The following MTURN variants were observed in gnomAD, a reference collection of about 807,000 sequenced individuals.
MTURN encodes maturin.
MTURN carries 7 observed loss-of-function variants against 14.9 expected under a neutral mutation model. The ratio of observed to expected loss-of-function variants is 0.47; its 90% CI spans 0.27 to 0.88. The LOEUF (loss-of-function observed/expected upper bound fraction) is 0.88. MTURN is among the 40% of genes least tolerant of loss of function. MTURN has a pLI of 0.14. For missense variants in MTURN, 151 were observed against 174.1 expected (o/e 0.87, Z 0.75); for synonymous variants, 69 against 72.5 (o/e 0.95, Z 0.25).
At chr7:30,136,514 C>T (rs1796964357) in intron 1 of MTURN, among the ~76,000 whole-genome samples, 1 of 152,132 alleles carries the variant, frequency 6.6e-6, no homozygotes, top group Non-Finnish European at 1.5e-5. Context: ...GGGCCGTGGT[C>T]CTGCCGCCGA....
chr7:30,145,166 G>A (rs1466632309), intron 1 of MTURN, among the ~76,000 whole-genome samples: 1 of 152,014 alleles, frequency 6.6e-6, no homozygotes, highest in Non-Finnish European at 1.5e-5. Context: ...TTAAAGATGT[G>A]CTAAAATGGA....
intron 1 of MTURN, among the ~76,000 whole-genome samples, chr7:30,140,005 A>C (rs1039482434): frequency 6.6e-6 from 1 of 152,166 alleles, no homozygotes; most frequent in Non-Finnish European, 1.5e-5. Context: ...CTTTCTGCCA[A>C]CTTGGAAGGT....
At chr7:30,153,091 C>G (rs1372102179) in intron 2 of MTURN, among the ~76,000 whole-genome samples, 1 of 152,168 alleles carries the variant, frequency 6.6e-6, no homozygotes, top group Non-Finnish European at 1.5e-5. Context: ...CAGTCACTTT[C>G]GTTTTTTGGC....
rs1163462279 is a variant in MTURN at position 30,159,447 on chromosome 7, A to C, written c.*1899A>C. ...GCTTGCTCCATTGGAAGGTAAACTG[A>C]AATTTTATACGTTGAAGCTTAAAAT... On this transcript the variant is annotated 3_prime_UTR_variant, in exon 3 of 3. Coordinates refer to ENST00000324453, the MANE Select transcript of MTURN (RefSeq NM_152793.3). 6.6e-6 allele frequency: 1 copy of C among 152,430 alleles called. No individual in the cohort carries two copies. The highest frequency in any genetic ancestry group is 1.5e-5 in the Non-Finnish European group (1 of 68,034). The allele number at this position is 152,430 out of a possible 1,614,324, so 9.4% of individuals were successfully genotyped here. A position where few individuals can be genotyped will look rare whatever the true frequency, so the allele number is the denominator to read the frequency against.
chr7:30,139,312 C>T (rs1797012987), intron 1 of MTURN, among the ~76,000 whole-genome samples: 1 of 152,230 alleles, frequency 6.6e-6, no homozygotes, highest in African/African-American at 2.4e-5. Context: ...AACTTTAGTA[C>T]TCTCACATAA....
intron 2 of MTURN, among the ~76,000 whole-genome samples, chr7:30,155,065 CT>C (rs922718030): frequency 1.3e-5 from 2 of 152,186 alleles, no homozygotes; most frequent in Non-Finnish European, 2.9e-5. Flanking sequence ...TGGTACATCT[CT>C]TTTGGATAAA....
intron 1 of MTURN, among the ~76,000 whole-genome samples, chr7:30,136,314 A>G (rs1796960101): frequency 6.6e-6 from 1 of 150,536 alleles, no homozygotes; most frequent in Non-Finnish European, 1.5e-5. Context: ...TCGGGGTGGG[A>G]GGGGTGGAGT....
Position 30,140,415 on chromosome 7 carries a change from G to GTGTGTATATATATATATATATATATA in MTURN, c.162+5118_162+5119insGTGTATATATATATATATATATATAT, listed in dbSNP as rs33952294. ...GAGGGGTGTGTGTGTGTGTGTGTGTGTATCCCCATTTGTGGTCTGAACACA... is the reference window on the plus strand; with the variant it reads ...GAGGGGTGTGTGTGTGTGTGTGTGTGTGTGTATATATATATATATATATATATATCCCCATTTGTGGTCTGAACACA... On this transcript the variant is annotated intron_variant, in intron 1 of 2. Coordinates refer to ENST00000324453, the MANE Select transcript of MTURN (RefSeq NM_152793.3). Among the ~76,000 whole-genome samples, 12 of 143,812 alleles carry GTGTGTATATATATATATATATATATA rather than the reference G, an allele frequency of 8.3e-5. No homozygotes were observed. The South Asian group carries it at 9.2e-4, about 11-fold the overall frequency. The allele number at this position is 143,812 out of a possible 152,430, so 94.3% of individuals were successfully genotyped here.
chr7:30,145,874 A>T lies in MTURN; in HGVS notation c.163-303A>T, dbSNP rs1583506136. On this transcript the variant is annotated intron_variant, in intron 1 of 2. Transcript: ENST00000324453. Reference sequence around the variant, plus strand: ...ACCGCCCTTAGCCTGCACAAGGTGAACAGTGGAAATCATTGGTGAGGAATG... The same window carrying T: ...ACCGCCCTTAGCCTGCACAAGGTGATCAGTGGAAATCATTGGTGAGGAATG... The T allele has an allele frequency of 2.6e-6, 4 of 1,551,518 alleles. No individual in the cohort carries two copies. In the East Asian group the frequency reaches 9.8e-5, roughly 38 times the overall value.
intron 1 of MTURN, among the ~76,000 whole-genome samples, chr7:30,138,896 C>G (rs1284358407): frequency 6.6e-6 from 1 of 152,238 alleles, no homozygotes; most frequent in Non-Finnish European, 1.5e-5. Flanking sequence ...GCCTAGAACC[C>G]TCTTGCCCCA....
rs1005466762 is a variant in MTURN at position 30,160,337 on chromosome 7, A to G, written c.*2789A>G. Reference sequence around the variant, plus strand: ...GATGAAATTCTCTTCCTTAGAGGAAAGGGAAAGGTGAGGCCCCAGAGGACT... The same window carrying G: ...GATGAAATTCTCTTCCTTAGAGGAAGGGGAAAGGTGAGGCCCCAGAGGACT... On this transcript the variant is annotated 3_prime_UTR_variant, in exon 3 of 3. Transcript: ENST00000324453. 6.6e-6 allele frequency: 1 copy of G among 152,302 alleles called. No individual in the cohort carries two copies. Among genetic ancestry groups the G allele is most frequent in the African/African-American group, 2.4e-5 (1 of 41,456 alleles). The allele number at this position is 152,302 out of a possible 1,614,324, so 9.4% of individuals were successfully genotyped here. A position where few individuals can be genotyped will look rare whatever the true frequency, so the allele number is the denominator to read the frequency against.
intron 1 of MTURN, among the ~76,000 whole-genome samples, chr7:30,140,593 C>T (rs1228626479): frequency 6.6e-6 from 1 of 152,142 alleles, no homozygotes; most frequent in African/African-American, 2.4e-5. Flanking sequence ...GTTTCCTCCT[C>T]TGTCAGATAG....
chr7:30,140,713 A>G (rs73305179), intron 1 of MTURN, among the ~76,000 whole-genome samples: 27 of 152,222 alleles, frequency 1.8e-4, no homozygotes, highest in African/African-American at 6.3e-4. Flanking sequence ...GCCTGTTCAT[A>G]TAGAGAGGTT....
intron 1 of MTURN, chr7:30,141,432 A>AG (rs1797051326): frequency 6.6e-6 from 1 of 150,976 alleles, no homozygotes; most frequent in African/African-American, 2.4e-5. Context: ...AAAAAAAAAA[A>AG]AGAGAAAAAA....
At position 30,146,163 on chromosome 7, in the gene MTURN, C is replaced by T. The variant is rs772923823; in HGVS notation, c.163-14C>T. On this transcript the variant is annotated splice_polypyrimidine_tract_variant and intron_variant, in intron 1 of 2. Coordinates refer to ENST00000324453, the MANE Select transcript of MTURN (RefSeq NM_152793.3). ...TGTCTTTGTTTTCTCCTTCCGTCGCCCGTGGGCACGCAGCACGTGTGGAGT... is the reference window on the plus strand; with the variant it reads ...TGTCTTTGTTTTCTCCTTCCGTCGCTCGTGGGCACGCAGCACGTGTGGAGT... 1.9e-6 allele frequency: 3 copies of T among 1,613,582 alleles called. No homozygotes were observed. Among genetic ancestry groups the T allele is most frequent in the Non-Finnish European group, 2.5e-6 (3 of 1,179,570 alleles).
intron 2 of MTURN, among the ~76,000 whole-genome samples, chr7:30,147,856 C>G (rs2128032176): frequency 6.6e-6 from 1 of 152,272 alleles, no homozygotes; most frequent in South Asian, 2.1e-4. Context: ...TGTTAATTTT[C>G]TAAGCCAGTT....
Position 30,134,997 on chromosome 7 carries a change from C to T in MTURN, c.-140C>T. 1 of 644,162 alleles carries T rather than the reference C, an allele frequency of 1.6e-6. No homozygotes were observed. The highest frequency in any genetic ancestry group is 6.9e-5 in the South Asian group (1 of 14,562). The allele number at this position is 644,162 out of a possible 1,614,324, so 39.9% of individuals were successfully genotyped here. ...CCGCCGCCCGCCCCACTCCGCACCG[C>T]ATGTAAACAGTCCCAGCCGGCCCAG... On this transcript the variant is annotated 5_prime_UTR_variant, in exon 1 of 3. Transcript: ENST00000324453.
chr7:30,140,625 A>G (rs1394136161), intron 1 of MTURN, among the ~76,000 whole-genome samples: 2 of 152,140 alleles, frequency 1.3e-5, no homozygotes, highest in Non-Finnish European at 2.9e-5. Flanking sequence ...CCTGTATTAC[A>G]TGATTAGTGT....
At position 30,135,306 on chromosome 7, in the gene MTURN, C is replaced by T. The variant is rs377742180; in HGVS notation, c.162+8C>T. On this transcript the variant is annotated splice_region_variant and intron_variant, in intron 1 of 2. Transcript: ENST00000324453. ...GGCTGCGGCGACAATTTTGTGAGTG[C>T]CTGGAGGAGGGACCGCCGGAGCCGG... 1.9e-4 allele frequency: 285 copies of T among 1,515,210 alleles called. No homozygotes were observed. The highest frequency in any genetic ancestry group is 2.4e-4 in the Non-Finnish European group (269 of 1,130,922). 93.9% of individuals were successfully genotyped at this position (1,515,210 alleles called of 1,614,324 possible). A position where few individuals can be genotyped will look rare whatever the true frequency, so the allele number is the denominator to read the frequency against.
Sources: gnomAD v4.1 joint callset for allele counts (sites outside exome capture counted in the v4.1 genomes callset) on GRCh38, gnomAD v4.1.1 for gene constraint, MANE v1.5 for transcripts, NCBI Gene and HGNC (gene_info 2026-07-23, HGNC 2026-07-21) for gene names.